GSTM2: variants seen among roughly 807,000 people sequenced by gnomAD.
GSTM2 encodes GST class-mu 2.
GSTM2 carries 33 observed loss-of-function variants against 33.3 expected under a neutral mutation model. The observed-to-expected ratio is 0.99, with a 90% confidence interval of 0.75 to 1.33. The LOEUF is 1.33. GSTM2 is among the 40% of genes most tolerant of loss of function. The pLI is 0.00. For missense variants in GSTM2, 213 were observed against 265.8 expected, an observed-to-expected ratio of 0.80 and a Z score of 1.38; for synonymous variants, 93 against 95.6, an observed-to-expected ratio of 0.97 and a Z score of 0.16.
At chr1:109,669,848 T>C in intron 5 of GSTM2, 2 of 434,530 alleles carry the variant, frequency 4.6e-6, no homozygotes, top group Non-Finnish European at 8.3e-6. Context: ...ACCTTCGCAG[T>C]GAGTGCTACA....
intron 7 of GSTM2, 64 bp from the exon 8 acceptor site, chr1:109,674,683 G>A: frequency 6.2e-7 from 1 of 1,611,890 alleles, no homozygotes; most frequent in Non-Finnish European, 8.5e-7. Context: ...TGTCTGCAGT[G>A]GGGTTGTGCC....
intron 7 of GSTM2, chr1:109,673,548 T>A (rs1647617334): frequency 5.2e-6 from 2 of 382,986 alleles, no homozygotes; most frequent in South Asian, 4.7e-5. Flanking sequence ...CCAGGCTGAG[T>A]GGCCTTGGAG....
intron 7 of GSTM2, chr1:109,673,160 G>A (rs1252586583): frequency 7.5e-6 from 12 of 1,605,470 alleles, no homozygotes; most frequent in South Asian, 2.2e-5. Context: ...GTGAGCCACC[G>A]CGCCTGGCCT....
At chr1:109,673,334 T>C (rs1179239899) in intron 7 of GSTM2, 20 of 1,512,876 alleles carry the variant, frequency 1.3e-5, no homozygotes, top group Non-Finnish European at 1.7e-5. Flanking sequence ...ATGAGTGCAG[T>C]GAGAGGCCTG....
Position 109,668,196 on chromosome 1 carries a change from C to T in GSTM2, c.36+45C>T, listed in dbSNP as rs2073483. ...GCGGTGGGACGGGGGTGCGTGGGGG[C>T]GGGGAAGTGTGGAGCAGCTGCAGGA... On this transcript the variant is annotated intron_variant, in intron 1 of 7. Transcript: ENST00000241337. The T allele has an allele frequency of 0.42, 566,491 of 1,340,168 alleles. 121,619 individuals carry two copies. The highest frequency in any genetic ancestry group is 0.71 in the East Asian group (30,482 of 43,232). 83.0% of individuals were successfully genotyped at this position (1,340,168 alleles called of 1,614,324 possible).
At position 109,668,058 on chromosome 1, in the gene GSTM2, C is replaced by G. The variant is rs1198315464; in HGVS notation, c.-58C>G. 2.4e-5 allele frequency: 38 copies of G among 1,592,438 alleles called. No homozygotes were observed. The highest frequency in any genetic ancestry group is 3.1e-5 in the Non-Finnish European group (36 of 1,160,296). ...CCCTCTACCCTCTCTGGGCCTCTCACAAACGCTGAGCCCCGCCCCGCTGAG... is the reference window on the plus strand; with the variant it reads ...CCCTCTACCCTCTCTGGGCCTCTCAGAAACGCTGAGCCCCGCCCCGCTGAG... On this transcript the variant is annotated 5_prime_UTR_variant, in exon 1 of 8. Transcript: ENST00000241337.
At chr1:109,673,230 G>C (rs376602209) in intron 7 of GSTM2, 1 of 1,611,760 alleles carries the variant, frequency 6.2e-7, no homozygotes, top group Non-Finnish European at 8.5e-7. Flanking sequence ...TGAGTAGCAC[G>C]CTGATTTTAC....
chr1:109,670,304 A>G (rs1052184891), intron 5 of GSTM2: 1 of 152,204 alleles, frequency 6.6e-6, no homozygotes, highest in African/African-American at 2.4e-5. Flanking sequence ...GGCTAGGCAG[A>G]AAAGTTCTCC....
chr1:109,679,882 G>C (rs774851911), downstream of GSTM2, among the ~76,000 whole-genome samples: 39 of 152,148 alleles, frequency 2.6e-4, 1 homozygote, highest in African/African-American at 8.7e-4. Flanking sequence ...ATTTCTCTCA[G>C]CAAATGAAGG....
intron 4 of GSTM2, 28 bp downstream of exon 4, chr1:109,669,399 G>C (rs761437763): frequency 1.2e-6 from 2 of 1,614,070 alleles, no homozygotes; most frequent in Non-Finnish European, 1.7e-6. Flanking sequence ...CAAGATGCGG[G>C]GAGGGACCGT....
chr1:109,677,430 A>T (rs1460344477), downstream of GSTM2, among the ~76,000 whole-genome samples: 1 of 152,270 alleles, frequency 6.6e-6, no homozygotes, highest in Non-Finnish European at 1.5e-5. Context: ...GTTTATCAAC[A>T]TAATTCCATC....
downstream of GSTM2, among the ~76,000 whole-genome samples, chr1:109,680,279 C>CA (rs5776993): frequency 0.02 from 2,620 of 131,020 alleles, 47 homozygotes; most frequent in Non-Finnish European, 0.029. Flanking sequence ...GTACACATAG[C>CA]AAAAAAAAAA....
chr1:109,668,914 C>T lies in GSTM2; in HGVS notation c.113-11C>T. The T allele has an allele frequency of 6.2e-7, 1 of 1,612,244 alleles. No individual in the cohort carries two copies. The highest frequency in any genetic ancestry group is 8.5e-7 in the Non-Finnish European group (1 of 1,179,844). On this transcript the variant is annotated splice_polypyrimidine_tract_variant and intron_variant, in intron 2 of 7. Coordinates refer to ENST00000241337, the MANE Select transcript of GSTM2 (RefSeq NM_000848.4). ...GGGAGGTTTGTTTTCACTTCATCTT[C>T]CCCACCACAGCTCCTGATTATGACA...
At chr1:109,674,271 G>A (rs867322723) in intron 7 of GSTM2, among the ~76,000 whole-genome samples, 16 of 152,084 alleles carry the variant, frequency 1.1e-4, no homozygotes, top group African/African-American at 3.9e-4. Flanking sequence ...AGGGCCTGGT[G>A]TGAGGGGTGG....
intron 5 of GSTM2, 185 bp from the exon 6 acceptor site, chr1:109,671,102 A>G: frequency 1.7e-6 from 1 of 602,192 alleles, no homozygotes; most frequent in South Asian, 2.0e-5. Flanking sequence ...GAAAGACTCC[A>G]GCTACCCAGT....
intron 3 of GSTM2, 24 bp from the exon 4 acceptor site, chr1:109,669,266 T>C: frequency 6.2e-7 from 1 of 1,613,848 alleles, no homozygotes; most frequent in Non-Finnish European, 8.5e-7. Flanking sequence ...CCAACTGAGC[T>C]TCCCCGGTTT....
chr1:109,679,909 G>T (rs1335999305), downstream of GSTM2, among the ~76,000 whole-genome samples: 4 of 152,158 alleles, frequency 2.6e-5, no homozygotes, highest in Non-Finnish European at 5.9e-5. Flanking sequence ...CCACCAAACT[G>T]TCAGGGCCCA....
downstream of GSTM2, among the ~76,000 whole-genome samples, chr1:109,680,166 G>C (rs1048167012): frequency 1.3e-5 from 2 of 151,140 alleles, no homozygotes; most frequent in African/African-American, 4.9e-5. Context: ...AAAATTGTGT[G>C]AGCCAATTCC....
chr1:109,676,789 C>T (rs1286859930), downstream of GSTM2, among the ~76,000 whole-genome samples: 1 of 152,210 alleles, frequency 6.6e-6, no homozygotes, highest in Non-Finnish European at 1.5e-5. Context: ...TTCCTCCACC[C>T]TGACAGCAAT....
Sources: allele counts gnomAD v4.1 joint callset (sites outside exome capture counted in the v4.1 genomes callset), GRCh38; gene constraint gnomAD v4.1.1; transcripts MANE v1.5; gene names NCBI Gene and HGNC (gene_info 2026-07-23, HGNC 2026-07-21).